SATB2: variants seen among roughly 807,000 people sequenced by gnomAD.
SATB2 encodes the protein SATB homeobox 2.
SATB2 carries 1 observed loss-of-function variant against 73.4 expected under a neutral mutation model. The observed-to-expected ratio is 0.01, with a 90% confidence interval of 0.00 to 0.06. The LOEUF is 0.06. SATB2 is among the 10% of genes least tolerant of loss of function. The pLI, the probability that SATB2 is intolerant of heterozygous loss-of-function variation, is 1.00. For missense variants in SATB2, 459 were observed against 945.8 expected, an observed-to-expected ratio of 0.49 and a Z score of 6.75; for synonymous variants, 397 against 367.0, an observed-to-expected ratio of 1.08 and a Z score of -0.93.
At chr2:199,320,115 C>T (rs1687844799) in intron 9 of SATB2, among the ~76,000 whole-genome samples, 1 of 152,214 alleles carries the variant, frequency 6.6e-6, no homozygotes, top group African/African-American at 2.4e-5. Context: ...AGGAACAAGG[C>T]ATTCCTGTGG....
intron 3 of SATB2, among the ~76,000 whole-genome samples, chr2:199,383,245 T>C (rs1176364880): frequency 6.6e-6 from 1 of 152,196 alleles, no homozygotes; most frequent in Non-Finnish European, 1.5e-5. Context: ...TTAAGTCATA[T>C]TTCACTTGCC....
chr2:199,345,449 G>A (rs900929776), intron 7 of SATB2, among the ~76,000 whole-genome samples: 14 of 120,476 alleles, frequency 1.2e-4, no homozygotes, highest in Non-Finnish European at 1.9e-4. Context: ...TATTTTCAAT[G>A]ACTGTTGCAC....
At chr2:199,339,688 T>C (rs1574522397) in intron 7 of SATB2, among the ~76,000 whole-genome samples, 1 of 152,182 alleles carries the variant, frequency 6.6e-6, no homozygotes, top group Non-Finnish European at 1.5e-5. Context: ...TGAGAAATAA[T>C]GATGACTGAG....
chr2:199,299,234 T>A (rs1386124727), intron 10 of SATB2, among the ~76,000 whole-genome samples: 1 of 152,164 alleles, frequency 6.6e-6, no homozygotes, highest in Non-Finnish European at 1.5e-5. Flanking sequence ...CTGTTTTCCA[T>A]CAAAACTATT....
intron 3 of SATB2, among the ~76,000 whole-genome samples, chr2:199,409,167 C>CT (rs67330007): frequency 0.18 from 20,349 of 115,346 alleles, 2,461 homozygotes; most frequent in Non-Finnish European, 0.26. Flanking sequence ...TTTTTCTTTT[C>CT]TTTTTTTTTT....
rs1692090253 is a variant in SATB2, at chr2:199,269,519, T to A, written c.*2692A>T. ...ACAAAGTCATATTTATTGAATGCGT[T>A]TATTTTAACAACCAAAAAATTCTAA... is the stretch of plus-strand genomic sequence containing the variant. On this transcript the variant is annotated 3_prime_UTR_variant, in exon 11 of 11. Coordinates refer to ENST00000417098, the MANE Select transcript of SATB2 (RefSeq NM_001172509.2). The A allele has an allele frequency of 6.5e-6, 1 of 152,748 alleles. No individual in the cohort carries two copies. The highest frequency in any genetic ancestry group is 2.4e-5 in the African/African-American group (1 of 41,442). The allele number at this position is 152,748 out of a possible 1,614,324, so 9.5% of individuals were successfully genotyped here.
chr2:199,375,871 C>T (rs766080910), intron 5 of SATB2, among the ~76,000 whole-genome samples: 1 of 152,182 alleles, frequency 6.6e-6, no homozygotes, highest in Non-Finnish European at 1.5e-5. Flanking sequence ...GATTCTTAAT[C>T]AGGACTCCAG....
intron 3 of SATB2, chr2:199,396,447 A>C (rs1292387157): frequency 6.6e-6 from 1 of 152,204 alleles, no homozygotes; most frequent in Admixed American, 6.5e-5. Context: ...TGTTATTACA[A>C]GTGTAAGGCC....
intron 7 of SATB2, among the ~76,000 whole-genome samples, chr2:199,340,903 G>A (rs1490053754): frequency 2.0e-5 from 3 of 152,156 alleles, no homozygotes; most frequent in Non-Finnish European, 2.9e-5. Context: ...AACAATGTTA[G>A]TAAAAGGGGG....
At chr2:199,430,573 C>T (rs1691472776) in intron 3 of SATB2, among the ~76,000 whole-genome samples, 1 of 152,212 alleles carries the variant, frequency 6.6e-6, no homozygotes, top group South Asian at 2.1e-4. Flanking sequence ...ACTATTCTCT[C>T]TTAGGTACTA....
At chr2:199,382,106 C>A (rs927062737) in intron 3 of SATB2, among the ~76,000 whole-genome samples, 19 of 152,110 alleles carry the variant, frequency 1.2e-4, no homozygotes, top group African/African-American at 4.3e-4. Flanking sequence ...TCCTTCCCCC[C>A]AGAATTGTTT....
chr2:199,448,791 C>T (rs978922291), intron 2 of SATB2, among the ~76,000 whole-genome samples: 4 of 152,104 alleles, frequency 2.6e-5, no homozygotes, highest in African/African-American at 9.7e-5. Flanking sequence ...AGTGCCTCCC[C>T]TTAATTTTTT....
chr2:199,335,769 T>G (rs145655266), intron 7 of SATB2, among the ~76,000 whole-genome samples: 43 of 152,332 alleles, frequency 2.8e-4, no homozygotes, highest in African/African-American at 8.2e-4. Context: ...TAACTGAAAC[T>G]GAAATTTTGG....
chr2:199,284,786 A>G (rs990224030), intron 10 of SATB2, among the ~76,000 whole-genome samples: 4 of 149,232 alleles, frequency 2.7e-5, no homozygotes, highest in African/African-American at 5.0e-5. Context: ...AAATATTTAG[A>G]AAAAAAAAAG....
chr2:199,455,966 C>T lies in SATB2; in HGVS notation c.72G>A (p.Lys24=). The T allele has an allele frequency of 6.5e-7, 1 of 1,539,252 alleles. No individual in the cohort carries two copies. The highest frequency in any genetic ancestry group is 8.7e-7 in the Non-Finnish European group (1 of 1,147,714). Residue 24 remains lysine, a synonymous_variant, in exon 2 of 11, where the codon AAG becomes AAA. Coordinates refer to ENST00000417098, the MANE Select transcript of SATB2 (RefSeq NM_001172509.2). The surrounding 1 kb of genome is among the most constrained non-coding windows in gnomAD (Gnocchi z 4.1). ...PDRRSGSPDV[K]GPPPVKVARL... ...GGGCCACCTTCACTGGGGGAGGCCC[C>T]TTGACGTCCGGGCTGCCGCTCCGCC...
At chr2:199,292,871 T>C (rs1484317691) in intron 10 of SATB2, among the ~76,000 whole-genome samples, 1 of 152,180 alleles carries the variant, frequency 6.6e-6, no homozygotes, top group Non-Finnish European at 1.5e-5. Flanking sequence ...GCCAGCCAAG[T>C]TTATTTAGCA....
intron 5 of SATB2, among the ~76,000 whole-genome samples, chr2:199,374,706 A>C (rs1009946005): frequency 1.3e-5 from 2 of 152,134 alleles, no homozygotes; most frequent in Non-Finnish European, 2.9e-5. Context: ...GCTTATGCCT[A>C]TAATCCCAGC....
In SATB2 at chr2:199,364,103, C is replaced by G. The variant is rs538772257; in HGVS notation, c.700+4502G>C. Among the ~76,000 whole-genome samples, 10 of 152,288 alleles carry G rather than the reference C, an allele frequency of 6.6e-5. No individual in the cohort carries two copies. The South Asian group carries it at 1.2e-3, about 19-fold the overall frequency. ...TGCCTTATGGAACCAGGTCAGGGGA[C>G]ATTGATTTCTCTATTCAACTCCAAG... On this transcript the variant is annotated intron_variant, in intron 6 of 10. Coordinates refer to ENST00000417098, the MANE Select transcript of SATB2 (RefSeq NM_001172509.2).
chr2:199,353,015 C>A (rs2105828928), intron 6 of SATB2, among the ~76,000 whole-genome samples: 1 of 151,682 alleles, frequency 6.6e-6, no homozygotes, highest in South Asian at 2.1e-4. Flanking sequence ...TTCTTTACTA[C>A]CAAGAATGAA....
Sources: allele counts gnomAD v4.1 joint callset (sites outside exome capture counted in the v4.1 genomes callset), GRCh38; gene constraint gnomAD v4.1.1; non-coding constraint Gnocchi (gnomAD v3.1); transcripts MANE v1.5; gene names NCBI Gene and HGNC (gene_info 2026-07-23, HGNC 2026-07-21).